CDYL: variants seen among roughly 807,000 people sequenced by gnomAD.
The protein encoded by CDYL is chromodomain Y like, also known as chromodomain Y-like protein.
CDYL carries 8 observed loss-of-function variants against 47.3 expected under a neutral mutation model. The ratio of observed to expected loss-of-function variants is 0.17; its 90% confidence interval spans 0.10 to 0.31. The LOEUF is 0.31. CDYL is among the 10% of genes least tolerant of loss of function. The pLI, the probability that CDYL is intolerant of heterozygous loss-of-function variation, is 1.00. For missense variants in CDYL, 471 were observed against 701.4 expected, an observed-to-expected ratio of 0.67 and a Z score of 3.71; for synonymous variants, 266 against 265.0, an observed-to-expected ratio of 1.00 and a Z score of -0.04.
At chr6:4,822,368 G>A (rs534959833) in intron 1 of CDYL, among the ~76,000 whole-genome samples, 1 of 151,902 alleles carries the variant, frequency 6.6e-6, no homozygotes, top group East Asian at 1.9e-4. Context: ...GTATCATTCA[G>A]CTTAAATAGA....
intron 1 of CDYL, among the ~76,000 whole-genome samples, chr6:4,711,415 C>T (rs1023242463): frequency 4.6e-5 from 7 of 152,178 alleles, no homozygotes; most frequent in African/African-American, 1.7e-4. Flanking sequence ...CTCTGATTCC[C>T]CCTCAGGAGC....
chr6:4,917,431 G>C (rs1345087369), intron 2 of CDYL, among the ~76,000 whole-genome samples: 1 of 152,144 alleles, frequency 6.6e-6, no homozygotes, highest in Non-Finnish European at 1.5e-5. Context: ...GTTAGACTTT[G>C]AGTAGCTTTG....
intron 2 of CDYL, among the ~76,000 whole-genome samples, chr6:4,906,484 C>T (rs75279210): frequency 0.024 from 3,610 of 152,168 alleles, 158 homozygotes; most frequent in African/African-American, 0.082. Context: ...ACAGTACAAG[C>T]GTGAAGGCCA....
intron 2 of CDYL, among the ~76,000 whole-genome samples, chr6:4,721,870 GT>G (rs996533635): frequency 9.4e-4 from 136 of 144,520 alleles, no homozygotes; most frequent in African/African-American, 1.1e-3. Context: ...GTTTTTTGGG[GT>G]TTTTTTTTTT....
chr6:4,866,944 C>T (rs1261054016), intron 1 of CDYL, among the ~76,000 whole-genome samples: 1 of 151,956 alleles, frequency 6.6e-6, no homozygotes, highest in Non-Finnish European at 1.5e-5. Flanking sequence ...CTAAATTGAT[C>T]CTCTAGTTTG....
At chr6:4,899,445 G>A (rs545293020) in intron 2 of CDYL, among the ~76,000 whole-genome samples, 28 of 152,276 alleles carry the variant, frequency 1.8e-4, no homozygotes, top group Admixed American at 3.9e-4. Flanking sequence ...GATAAATTGC[G>A]GAGAAGTTCC....
At chr6:4,948,889 A>G (rs1040425875) in intron 5 of CDYL, among the ~76,000 whole-genome samples, 2 of 152,264 alleles carry the variant, frequency 1.3e-5, no homozygotes, top group Non-Finnish European at 2.9e-5. Flanking sequence ...GAAAGTGACT[A>G]TGCAGATGAT....
At chr6:4,822,684 C>T (rs1406880314) in intron 1 of CDYL, among the ~76,000 whole-genome samples, 2 of 152,200 alleles carry the variant, frequency 1.3e-5, no homozygotes, top group African/African-American at 4.8e-5. Flanking sequence ...CTTTGCCACA[C>T]ATTGCTGCCA....
intron 3 of CDYL, among the ~76,000 whole-genome samples, chr6:4,741,937 G>A (rs1414713787): frequency 1.3e-5 from 2 of 152,162 alleles, no homozygotes; most frequent in South Asian, 2.1e-4. Flanking sequence ...TGATGTGCTC[G>A]ATCATGTCTG....
At chr6:4,952,684 A>G (rs1758744073) in intron 6 of CDYL, among the ~76,000 whole-genome samples, 1 of 152,184 alleles carries the variant, frequency 6.6e-6, no homozygotes. Flanking sequence ...ACTAACATGG[A>G]TATAATTCTT....
chr6:4,761,901 G>A (rs1758180678), intron 3 of CDYL, among the ~76,000 whole-genome samples: 1 of 152,172 alleles, frequency 6.6e-6, no homozygotes, highest in African/African-American at 2.4e-5. Flanking sequence ...AAAGCTGGGG[G>A]AAAAGCATTT....
intron 1 of CDYL, among the ~76,000 whole-genome samples, chr6:4,842,191 T>C (rs533577724): frequency 3.5e-5 from 5 of 143,588 alleles, no homozygotes; most frequent in African/African-American, 1.3e-4. Context: ...ATTATTAATA[T>C]AAATAATATA....
At chr6:4,808,007 A>G (rs765259797) in intron 1 of CDYL, among the ~76,000 whole-genome samples, 2 of 151,954 alleles carry the variant, frequency 1.3e-5, no homozygotes, top group Non-Finnish European at 2.9e-5. Flanking sequence ...GGTCATTGGA[A>G]GCTCCTGCAG....
intron 1 of CDYL, among the ~76,000 whole-genome samples, chr6:4,818,736 A>G (rs2127447409): frequency 6.6e-6 from 1 of 152,244 alleles, no homozygotes; most frequent in East Asian, 1.9e-4. Context: ...CGTAGTAGAG[A>G]TGCTAAATGG....
At chr6:4,759,238 G>C (rs891735891) in intron 3 of CDYL, among the ~76,000 whole-genome samples, 2 of 152,072 alleles carry the variant, frequency 1.3e-5, no homozygotes, top group African/African-American at 4.8e-5. Context: ...CAAAGTGCTA[G>C]GATTACAGGC....
intron 6 of CDYL, 89 bp downstream of exon 6, chr6:4,952,498 G>A (rs1758738678): frequency 4.2e-6 from 6 of 1,425,862 alleles, no homozygotes; most frequent in Non-Finnish European, 3.8e-6. Context: ...TTATTCCTAA[G>A]TCCTTTACGT....
chr6:4,931,756 A>G (rs1037027922), intron 2 of CDYL, among the ~76,000 whole-genome samples: 3 of 152,180 alleles, frequency 2.0e-5, no homozygotes, highest in Admixed American at 1.3e-4. Context: ...AGCTCCAACA[A>G]GATCACAGAG....
At chr6:4,777,640 C>T (rs997543200) in intron 1 of CDYL, among the ~76,000 whole-genome samples, 4 of 152,128 alleles carry the variant, frequency 2.6e-5, no homozygotes, top group Admixed American at 2.0e-4. Context: ...AAATAAGTTC[C>T]TAAGAGACTT....
At chr6:4,779,735 C>T (rs1758559845) in intron 1 of CDYL, among the ~76,000 whole-genome samples, 1 of 152,258 alleles carries the variant, frequency 6.6e-6, no homozygotes, top group Admixed American at 6.5e-5. Context: ...AGACAAGCGT[C>T]CTTTACATCA....
Sources: gnomAD v4.1 joint callset for allele counts (sites outside exome capture counted in the v4.1 genomes callset) on GRCh38, gnomAD v4.1.1 for gene constraint, MANE v1.5 for transcripts, NCBI Gene and HGNC (gene_info 2026-07-23, HGNC 2026-07-21) for gene names.